Variants in CNTNAP3 observed in about 807,000 individuals in gnomAD.
CNTNAP3 encodes contactin associated protein family member 3.
A neutral mutation model predicts 92.1 loss-of-function variants in CNTNAP3; 36 were observed. That is an observed-to-expected ratio of 0.39 (90% CI 0.30 to 0.52). The LOEUF is 0.52. CNTNAP3 is among the 20% of genes least tolerant of loss of function. CNTNAP3 has a pLI of 0.76. For missense variants in CNTNAP3, 534 were observed against 1,069.6 expected (o/e 0.50, Z 6.98); for synonymous variants, 232 against 422.3 (o/e 0.55, Z 5.53).
rs1408011657 is a variant in CNTNAP3 at position 39,133,059 on chromosome 9, C to G, written c.1953G>C (p.Pro651=). Residue 651 remains proline (P), a synonymous_variant, in exon 13 of 24, where the codon CCG becomes CCC. Transcript: ENST00000297668. ...CGTACGCGAAGGACACAGCCGAGCG[C>G]GGGTGCCCGCTGGGGGCACCTCGGA... The part of the protein sequence containing the change: ...VTLRGAPSGH[P]RSAVSFAYAA... 1.3e-5 allele frequency: 21 copies of G among 1,556,534 alleles called. No individual in the cohort carries two copies. Among genetic ancestry groups the G allele is most frequent in the Non-Finnish European group, 1.7e-5 (20 of 1,157,906 alleles).
intron 9 of CNTNAP3, among the ~76,000 whole-genome samples, chr9:39,152,902 G>A (rs1459662626): frequency 1.9e-5 from 2 of 106,550 alleles, no homozygotes; most frequent in African/African-American, 4.6e-5. Context: ...TCCTGACCTC[G>A]TGATCCACCT....
intron 21 of CNTNAP3, among the ~76,000 whole-genome samples, chr9:39,080,990 A>C (rs1272233512): frequency 7.0e-6 from 1 of 141,874 alleles, no homozygotes; most frequent in Non-Finnish European, 1.6e-5. Context: ...ACCCTGAATA[A>C]AAACCTTGAG....
intron 12 of CNTNAP3, 127 bp from the exon 13 acceptor site, chr9:39,133,262 G>C (rs1466160396): frequency 8.2e-7 from 1 of 1,225,188 alleles, no homozygotes; most frequent in African/African-American, 1.5e-5. Context: ...TGTTTGCCGC[G>C]ATTTGAGGAG....
intron 12 of CNTNAP3, among the ~76,000 whole-genome samples, chr9:39,136,011 C>T (rs1174818210): frequency 1.3e-5 from 2 of 151,778 alleles, no homozygotes; most frequent in African/African-American, 4.8e-5. Context: ...TGCCTGTAGT[C>T]CCAGCTACCG....
chr9:39,095,927 A>G (rs1389968456), intron 18 of CNTNAP3, among the ~76,000 whole-genome samples: 4 of 150,682 alleles, frequency 2.7e-5, no homozygotes, highest in East Asian at 1.9e-4. Flanking sequence ...AAAATCTGAG[A>G]AAAAAAAAGA....
At chr9:39,078,067 C>A (rs1825826039) in intron 23 of CNTNAP3, among the ~76,000 whole-genome samples, 1 of 152,380 alleles carries the variant, frequency 6.6e-6, no homozygotes, top group Admixed American at 6.5e-5. Flanking sequence ...ATTAGCCAGG[C>A]ATAGTGGCAC....
Position 39,086,797 on chromosome 9 carries a change from A to AAATG in CNTNAP3, c.3269_3272dup (p.Thr1092IlefsTer4). On this transcript the variant is annotated frameshift_variant, in exon 20 of 24. Coordinates refer to ENST00000297668, the MANE Select transcript of CNTNAP3 (RefSeq NM_033655.5). LOFTEE classifies it high-confidence loss of function. ...CAGCCATGTTTTTAAAATCAAAGGT[A>AAATG]AATGCATCAGGATTTTGATGTCTAT... 6.2e-7 allele frequency: 1 copy of AAATG among 1,610,918 alleles called. No homozygotes were observed.
chr9:39,144,315 C>A lies in CNTNAP3; in HGVS notation c.1681G>T (p.Glu561Ter). ...CLPSYCEHGG[E>*]CSQSWDTFSC... ...AAGGTGTCCCACGACTGGGAACACT[C>A]GCCCCCATGCTCACAGTAGCTGGGC... The change falls in exon 11 of 24, where the codon GAG becomes TAG. Residue 561 changes from glutamate (E) to a stop codon, truncating the protein, a stop_gained. Transcript: ENST00000297668. LOFTEE classifies it high-confidence loss of function. 6.4e-7 allele frequency: 1 copy of A among 1,572,364 alleles called. No individual in the cohort carries two copies. The highest frequency in any genetic ancestry group is 1.2e-5 in the South Asian group (1 of 85,720).
intron 18 of CNTNAP3, among the ~76,000 whole-genome samples, chr9:39,089,242 A>G (rs1826136448): frequency 6.6e-6 from 1 of 151,976 alleles, no homozygotes; most frequent in East Asian, 1.9e-4. Flanking sequence ...GGCAACTACT[A>G]ATTTACTTTC....
chr9:39,113,956 C>A (rs1017639163), intron 14 of CNTNAP3, among the ~76,000 whole-genome samples: 14 of 150,716 alleles, frequency 9.3e-5, no homozygotes, highest in Middle Eastern at 3.4e-3. Flanking sequence ...TTTGTTAATT[C>A]TCTCTCTCTC....
intron 15 of CNTNAP3, among the ~76,000 whole-genome samples, chr9:39,106,994 A>C (rs1758538): frequency 6.7e-6 from 1 of 148,960 alleles, no homozygotes; most frequent in Non-Finnish European, 1.5e-5. Context: ...TGGGAAAAAA[A>C]ATTGATAGGA....
chr9:39,100,195 T>A, intron 17 of CNTNAP3, 45 bp from the exon 18 acceptor site: 1 of 1,427,416 alleles, frequency 7.0e-7, no homozygotes. Context: ...CTTGGTATTT[T>A]ATTCAGGATT....
Position 39,086,852 on chromosome 9 carries a change from A to G in CNTNAP3, c.3221-3T>C. ...CTTGTACCTAATCTGCAAACTTCCT[A>G]AAAAGAAAAATAAATGGCATTTAAA... On this transcript the variant is annotated splice_region_variant and splice_polypyrimidine_tract_variant and intron_variant, in intron 19 of 23. Transcript: ENST00000297668. 1 of 1,596,312 alleles carries G rather than the reference A, an allele frequency of 6.3e-7. No homozygotes were observed. The highest frequency in any genetic ancestry group is 8.5e-7 in the Non-Finnish European group (1 of 1,171,532).
In CNTNAP3 at chr9:39,110,613, C is replaced by T. The variant is rs1388867928; in HGVS notation, c.2238-1326G>A. Among the ~76,000 whole-genome samples the T allele has an allele frequency of 2.6e-5, 4 of 152,106 alleles. No individual in the cohort carries two copies. In the East Asian group the frequency reaches 5.8e-4, roughly 22 times the overall value. On this transcript the variant is annotated intron_variant, in intron 14 of 23. Transcript: ENST00000297668. ...CAATACAAAGAGACCTGGAGGATCC[C>T]CTAGGGGAACCTGGGGTCCTGGTCT...
At chr9:39,104,863 A>G (rs546057538) in intron 15 of CNTNAP3, among the ~76,000 whole-genome samples, 1 of 152,230 alleles carries the variant, frequency 6.6e-6, no homozygotes, top group South Asian at 2.1e-4. Flanking sequence ...TCAGCCCATC[A>G]CTGGTCCTGT....
At chr9:39,103,139 A>G (rs892463268) in intron 16 of CNTNAP3, among the ~76,000 whole-genome samples, 3 of 152,286 alleles carry the variant, frequency 2.0e-5, no homozygotes, top group Admixed American at 1.3e-4. Context: ...ATAAAAAACA[A>G]TATGTCTGGT....
Position 39,067,248 on chromosome 9 carries a change from C to T in CNTNAP3, c.*6642G>A, listed in dbSNP as rs1477518799. Among the ~76,000 whole-genome samples, 2 of 152,390 alleles carry T rather than the reference C, an allele frequency of 1.3e-5. No individual in the cohort carries two copies. Among genetic ancestry groups the T allele is most frequent in the African/African-American group, 4.8e-5 (2 of 41,572 alleles). ...AATCTTTGAAAATACGGAATATAGTCATAATATTTTTCATTAGTAATTCTA... is the reference window on the plus strand; with the variant it reads ...AATCTTTGAAAATACGGAATATAGTTATAATATTTTTCATTAGTAATTCTA... On this transcript the variant is annotated 3_prime_UTR_variant, in exon 24 of 24. Coordinates refer to ENST00000297668, the MANE Select transcript of CNTNAP3 (RefSeq NM_033655.5).
chr9:39,150,029 T>C (rs776902327), intron 9 of CNTNAP3, 52 bp from the exon 10 acceptor site: 1 of 1,537,494 alleles, frequency 6.5e-7, no homozygotes, highest in Non-Finnish European at 8.8e-7. Flanking sequence ...ACAAAACTAT[T>C]CCACAGTATT....
rs1255954668 is a variant in CNTNAP3, at chr9:39,118,255, T to C, written c.2085A>G (p.Gly695=). 1 of 1,612,576 alleles carries C rather than the reference T, an allele frequency of 6.2e-7. No homozygotes were observed. The highest frequency in any genetic ancestry group is 1.1e-5 in the South Asian group (1 of 90,870). ...GTARRPDSRD[G]TPLSWWVGRT... ...TTCCAACCCACCAGCTCAGTGGGGT[T>C]CCATCTGAAAGACAAGTATAAGAAA... Residue 695 remains glycine (G), a synonymous_variant, in exon 14 of 24, where the codon GGA becomes GGG. Coordinates refer to ENST00000297668, the MANE Select transcript of CNTNAP3 (RefSeq NM_033655.5).
Sources: allele counts gnomAD v4.1 joint callset (sites outside exome capture counted in the v4.1 genomes callset), GRCh38; gene constraint gnomAD v4.1.1; transcripts MANE v1.5; gene names NCBI Gene and HGNC (gene_info 2026-07-23, HGNC 2026-07-21).